FBLIM1: variants seen among roughly 807,000 people sequenced by gnomAD.
FBLIM1 encodes the protein filamin binding LIM protein 1, also known as filamin-binding LIM protein 1.
FBLIM1 carries 29 observed loss-of-function variants against 37.4 expected under a neutral mutation model. That is an observed-to-expected ratio of 0.77 (90% CI 0.58 to 1.06). The LOEUF is 1.06. Ranked by LOEUF, FBLIM1 falls within the 50% of genes least tolerant of loss-of-function variation. The pLI is 0.00. For synonymous variants in FBLIM1, 193 were observed against 199.0 expected, an observed-to-expected ratio of 0.97 and a Z score of 0.25; for missense variants, 449 against 505.6, an observed-to-expected ratio of 0.89 and a Z score of 1.07.
At chr1:15,784,480 T>A in intron 8 of FBLIM1, 68 bp from the exon 9 acceptor site, 1 of 1,302,146 alleles carries the variant, frequency 7.7e-7, no homozygotes, top group Non-Finnish European at 1.1e-6. Flanking sequence ...AGATGCCAAG[T>A]GAGTCCCTCC....
At chr1:15,778,874 T>G (rs1356054284) in intron 8 of FBLIM1, among the ~76,000 whole-genome samples, 1 of 152,108 alleles carries the variant, frequency 6.6e-6, no homozygotes, top group Admixed American at 6.6e-5. Flanking sequence ...ACTCCTGACC[T>G]CAGGTGATCT....
chr1:15,769,847 A>T (rs1277019390), intron 5 of FBLIM1, among the ~76,000 whole-genome samples: 2 of 151,448 alleles, frequency 1.3e-5, no homozygotes, highest in East Asian at 3.9e-4. Context: ...TGTTGGCCAG[A>T]TGGTCTCGAT....
intron 2 of FBLIM1, 23 bp downstream of exon 2, chr1:15,764,708 C>T (rs1398309271): frequency 2.0e-6 from 1 of 507,060 alleles, no homozygotes; most frequent in Admixed American, 3.7e-5. Flanking sequence ...CTTTGCTCCC[C>T]TAGGTGTGCA....
intron 1 of FBLIM1, among the ~76,000 whole-genome samples, chr1:15,763,575 G>T (rs554859626): frequency 6.6e-6 from 1 of 151,196 alleles, no homozygotes; most frequent in Admixed American, 6.6e-5. Context: ...AGTGGAGCTT[G>T]CAGTGAGCCA....
chr1:15,765,104 C>G lies in FBLIM1; in HGVS notation c.121C>G (p.Arg41Gly). 1.9e-6 allele frequency: 3 copies of G among 1,613,856 alleles called. No homozygotes were observed. The African/African-American group carries it at 4.0e-5, about 22-fold the overall frequency. ...RQAVCEARRG[R>G]PWEAPAPMKT... Reference sequence around the variant, plus strand: ...GGCAGTTTGTGAGGCCCGGCGTGGCCGCCCCTGGGAGGCTCCTGCCCCCAT... The same window carrying G: ...GGCAGTTTGTGAGGCCCGGCGTGGCGGCCCCTGGGAGGCTCCTGCCCCCAT... Residue 41 changes from arginine (R) to glycine (G), a missense_variant, in exon 3 of 9, where the codon CGC becomes GGC. Physicochemically the swap from Arg to Gly is moderately radical, Grantham distance 125. Transcript: ENST00000375766. This position sits in a 1 kb window ranked among gnomAD's most constrained non-coding sequence, Gnocchi z 5.9.
rs145473194 is a variant in FBLIM1, at chr1:15,770,564, G to A, written c.697G>A (p.Glu233Lys). 25 of 1,613,704 alleles carry A rather than the reference G, an allele frequency of 1.5e-5. No homozygotes were observed. The highest frequency in any genetic ancestry group is 5.5e-5 in the South Asian group (5 of 91,076). Residue 233 changes from glutamate to lysine, a missense_variant, in exon 6 of 9, where the codon GAA (glutamate) becomes AAA (lysine). Coordinates refer to ENST00000375766, the MANE Select transcript of FBLIM1 (RefSeq NM_017556.4). ...FYQKDGRPLC[E>K]PCYQDTLERC... ...CCAGAAGGATGGGCGACCCCTCTGC[G>A]AACCCTGCTACCAGGTAACCCCTGC... is the stretch of plus-strand genomic sequence containing the variant.
Position 15,767,464 on chromosome 1 carries a change from G to A in FBLIM1, c.339G>A (p.Val113=), listed in dbSNP as rs1474459842. Residue 113 remains valine, a synonymous_variant, in exon 4 of 9, where the codon GTG becomes GTA. Coordinates refer to ENST00000375766, the MANE Select transcript of FBLIM1 (RefSeq NM_017556.4). ...LLPPPPPPPP[V]LLPSEEEAPA... ...CACCCCCTCCACCGCCCCCTCCAGT[G>A]CTTCTGCCTTCTGAAGAGGAGGCTC... The A allele has an allele frequency of 2.0e-6, 3 of 1,538,342 alleles. No individual in the cohort carries two copies. In the African/African-American group the frequency reaches 4.6e-5, roughly 24 times the overall value.
chr1:15,768,713 A>G, intron 5 of FBLIM1, 83 bp downstream of exon 5: 2 of 1,013,348 alleles, frequency 2.0e-6, no homozygotes, highest in Non-Finnish European at 2.7e-6. Context: ...GAGAGTGAGG[A>G]CCCCTCTTCC....
intron 7 of FBLIM1, 42 bp from the exon 8 acceptor site, chr1:15,777,128 G>C: frequency 6.7e-7 from 1 of 1,494,904 alleles, no homozygotes; most frequent in Non-Finnish European, 9.2e-7. Flanking sequence ...TTCTGTGGTT[G>C]TGGCATGAAC....
At chr1:15,760,482 A>G (rs1451426587) in intron 1 of FBLIM1, among the ~76,000 whole-genome samples, 1 of 139,894 alleles carries the variant, frequency 7.1e-6, no homozygotes, top group Admixed American at 7.4e-5. Context: ...GTGAGCTGAG[A>G]TTGCGCCACT....
chr1:15,760,982 C>T (rs899745188), intron 1 of FBLIM1, among the ~76,000 whole-genome samples: 1 of 152,166 alleles, frequency 6.6e-6, no homozygotes. Flanking sequence ...CAGCTTAGAC[C>T]CCCTGGGGCC....
chr1:15,766,476 T>C (rs1357055691), intron 3 of FBLIM1, among the ~76,000 whole-genome samples: 1 of 152,020 alleles, frequency 6.6e-6, no homozygotes, highest in South Asian at 2.1e-4. Context: ...TTTGTATTTT[T>C]AGTAGAGACA....
At chr1:15,777,324 G>A (rs778698387) in intron 8 of FBLIM1, 37 bp downstream of exon 8, 1 of 1,510,436 alleles carries the variant, frequency 6.6e-7, no homozygotes, top group South Asian at 1.1e-5. Flanking sequence ...ACATTCCATT[G>A]CTGCGTGCCA....
rs768499864 is a variant in FBLIM1 at position 15,774,585 on chromosome 1, C to T, written c.712-33C>T. 4.4e-5 allele frequency: 70 copies of T among 1,585,572 alleles called. 3 individuals are homozygous for T. The South Asian group carries it at 4.7e-4, about 11-fold the overall frequency. Reference sequence around the variant, plus strand: ...CCCTCGTGGGTTGGGGTGGGTGTGTCGTGGATGGTTCTGGCAGTGGCCTCT... The same window carrying T: ...CCCTCGTGGGTTGGGGTGGGTGTGTTGTGGATGGTTCTGGCAGTGGCCTCT... On this transcript the variant is annotated intron_variant, in intron 6 of 8. Coordinates refer to ENST00000375766, the MANE Select transcript of FBLIM1 (RefSeq NM_017556.4).
At chr1:15,756,750 A>C (rs1468961333), upstream of FBLIM1, 1 of 153,096 alleles carries the variant, frequency 6.5e-6, no homozygotes, top group African/African-American at 2.4e-5. Context: ...GAGGCAGTTG[A>C]ACCCCTCATT....
intron 8 of FBLIM1, among the ~76,000 whole-genome samples, chr1:15,779,714 C>G (rs528851061): frequency 6.6e-5 from 10 of 152,224 alleles, no homozygotes; most frequent in African/African-American, 2.2e-4. Context: ...GTCTGGACTT[C>G]AGGCTGCAGA....
chr1:15,756,838 A>C (rs139607988), upstream of FBLIM1: 5 of 152,394 alleles, frequency 3.3e-5, no homozygotes, highest in East Asian at 7.7e-4. Flanking sequence ...CAAGGCCCCA[A>C]ATCAACTCTT....
intron 8 of FBLIM1, among the ~76,000 whole-genome samples, chr1:15,779,325 G>C (rs2069577189): frequency 6.6e-6 from 1 of 151,780 alleles, no homozygotes; most frequent in Non-Finnish European, 1.5e-5. Context: ...TATTTTTTGA[G>C]ATGGCGTCTC....
intron 6 of FBLIM1, among the ~76,000 whole-genome samples, chr1:15,772,315 G>A (rs919679671): frequency 4.6e-5 from 7 of 152,160 alleles, no homozygotes; most frequent in Non-Finnish European, 8.8e-5. Context: ...CCTCCCTGCC[G>A]TGTCCCTGTG....
Sources: gnomAD v4.1 joint callset for allele counts (sites outside exome capture counted in the v4.1 genomes callset) on GRCh38, gnomAD v4.1.1 for gene constraint, Gnocchi (gnomAD v3.1) non-coding constraint, MANE v1.5 for transcripts, NCBI Gene and HGNC (gene_info 2026-07-23, HGNC 2026-07-21) for gene names.